Variants in NEK9 observed in about 807,000 individuals in gnomAD.
NEK9 encodes serine/threonine-protein kinase Nek9.
In NEK9, 75 loss-of-function variants were observed where a neutral mutation model predicts 123.4. The ratio of observed to expected loss-of-function variants is 0.61; its 90% CI spans 0.50 to 0.74. The LOEUF is 0.74. NEK9 is among the 30% of genes least tolerant of loss of function. NEK9 has a pLI of 0.00. For synonymous variants in NEK9, 438 were observed against 458.7 expected, an observed-to-expected ratio of 0.95 and a Z score of 0.58; for missense variants, 952 against 1,214.4, an observed-to-expected ratio of 0.78 and a Z score of 3.21.
At chr14:75,120,805 T>C in intron 3 of NEK9, 1 of 587,368 alleles carries the variant, frequency 1.7e-6, no homozygotes, top group Non-Finnish European at 3.0e-6. Context: ...TTATAATATA[T>C]AGTATGGTAA....
chr14:75,116,896 G>A (rs1895159819), intron 6 of NEK9, among the ~76,000 whole-genome samples: 3 of 152,100 alleles, frequency 2.0e-5, no homozygotes, highest in African/African-American at 7.2e-5. Flanking sequence ...GATTACAGGT[G>A]TGCGCCACCA....
In NEK9 at chr14:75,084,120, G is replaced by C. The variant is rs1452139238; in HGVS notation, c.*444C>G. On this transcript the variant is annotated 3_prime_UTR_variant, in exon 22 of 22. Transcript: ENST00000238616. ...ACTGGGCGGGCCACACCTGATTCCA[G>C]CCCACTCCAACTTTACACTTCTCCC... is the stretch of plus-strand genomic sequence containing the variant. The C allele has an allele frequency of 1.1e-5, 2 of 185,232 alleles. No individual in the cohort carries two copies. The highest frequency in any genetic ancestry group is 4.7e-5 in the African/African-American group (2 of 42,886). 11.5% of individuals were successfully genotyped at this position (185,232 alleles called of 1,614,324 possible).
chr14:75,124,566 T>C (rs1478183651), intron 1 of NEK9, among the ~76,000 whole-genome samples: 2 of 152,130 alleles, frequency 1.3e-5, no homozygotes, highest in Non-Finnish European at 2.9e-5. Context: ...GCAAGAATAC[T>C]GGAGAAGCAG....
At chr14:75,121,031 CTT>C in intron 3 of NEK9, 86 bp downstream of exon 3, 1 of 1,092,976 alleles carries the variant, frequency 9.1e-7, no homozygotes. Flanking sequence ...AAAAAACACT[CTT>C]CACTATTGGA....
rs1382762778 is a variant in NEK9, at chr14:75,091,312, G to C, written c.2400C>G (p.Asn800Lys). ...GACAGGAGCTGCTGGCCCCATTACT[G>C]TTCCCCATGGCCTCTGTGGGACTGA... ...GLISPTEAMG[N>K]SNGASSSCPG... Residue 800 changes from asparagine (N) to lysine (K), a missense_variant, in exon 19 of 22, where the codon AAC becomes AAG. By Grantham distance (94) the Asn-to-Lys change is moderately conservative. This residue lies in a region of NEK9 where 698 missense variants were observed against 875.6 expected (regional missense o/e 0.80). Transcript: ENST00000238616. 6.2e-7 allele frequency: 1 copy of C among 1,613,458 alleles called. No homozygotes were observed. The highest frequency in any genetic ancestry group is 1.7e-4 in the Middle Eastern group (1 of 6,052).
At position 75,110,364 on chromosome 14, in the gene NEK9, C is replaced by G; in HGVS notation, c.946G>C (p.Glu316Gln). 6.2e-7 allele frequency: 1 copy of G among 1,612,608 alleles called. No homozygotes were observed. ...GCATTAAGCAGAGTGACTTTTTCCT[C>G]CATCTCTCTACCAAAAGAAAAGCAA... ...PLLRKRRREM[E>Q]EKVTLLNAPT... The change falls in exon 9 of 22, where the codon GAG (glutamate) becomes CAG (glutamine). Residue 316 changes from glutamate to glutamine, a missense_variant. By Grantham distance (29) the Glu-to-Gln change is conservative (BLOSUM62 2). Coordinates refer to ENST00000238616, the MANE Select transcript of NEK9 (RefSeq NM_033116.6).
In NEK9 at chr14:75,126,728, TCCCCGAAGGCGCCGCGG is replaced by T; in HGVS notation, c.177_193del (p.Arg60SerfsTer10). The T allele has an allele frequency of 6.8e-7, 1 of 1,481,062 alleles. No homozygotes were observed. 91.7% of individuals were successfully genotyped at this position (1,481,062 alleles called of 1,614,324 possible). A position where few individuals can be genotyped will look rare whatever the true frequency, so the allele number is the denominator to read the frequency against. On this transcript the variant is annotated frameshift_variant, in exon 1 of 22. Coordinates refer to ENST00000238616, the MANE Select transcript of NEK9 (RefSeq NM_033116.6). LOFTEE classifies it high-confidence loss of function. ...CTCGGTGCGGCGGTACAGCGTGGCT[TCCCCGAAGGCGCCGCGG>T]CCCAGGACGCGGATGGGGATGTAGT...
chr14:75,106,171 A>G, intron 12 of NEK9, 175 bp from the exon 13 acceptor site: 2 of 627,296 alleles, frequency 3.2e-6, no homozygotes, highest in Non-Finnish European at 5.7e-6. Flanking sequence ...AAGCCTGGCC[A>G]GTGTGGTGAA....
intron 7 of NEK9, 62 bp from the exon 8 acceptor site, chr14:75,113,465 A>G (rs761882394): frequency 1.4e-5 from 17 of 1,203,002 alleles, no homozygotes; most frequent in Non-Finnish European, 2.1e-5. Context: ...GGATCTAAAG[A>G]TGTTAATTAG....
chr14:75,104,547 T>C lies in NEK9; in HGVS notation c.1576-550A>G, dbSNP rs533372546. Among the ~76,000 whole-genome samples, 10 of 151,624 alleles carry C rather than the reference T, an allele frequency of 6.6e-5. No individual in the cohort carries two copies. In the East Asian group the frequency reaches 1.4e-3, roughly 21 times the overall value. On this transcript the variant is annotated intron_variant, in intron 13 of 21. Transcript: ENST00000238616. Reference sequence around the variant, plus strand: ...CCCAGGCTGGAATGCAGTGGTATGATCTCAGCACACTGCAACCTCTGCCTC... The same window carrying C: ...CCCAGGCTGGAATGCAGTGGTATGACCTCAGCACACTGCAACCTCTGCCTC...
chr14:75,094,000 C>A (rs1894301597), intron 18 of NEK9, among the ~76,000 whole-genome samples: 1 of 152,176 alleles, frequency 6.6e-6, no homozygotes, highest in African/African-American at 2.4e-5. Context: ...CATCTTCCCA[C>A]CAATGGACAT....
intron 17 of NEK9, 73 bp from the exon 18 acceptor site, chr14:75,095,504 G>A (rs1894353754): frequency 1.0e-6 from 1 of 953,502 alleles, no homozygotes; most frequent in Middle Eastern, 2.5e-4. Context: ...GACTAGGATA[G>A]GGAGATAATT....
chr14:75,109,176 A>T (rs1236408347), intron 10 of NEK9, among the ~76,000 whole-genome samples: 1 of 152,196 alleles, frequency 6.6e-6, no homozygotes, highest in Non-Finnish European at 1.5e-5. Context: ...CAGACAGCAA[A>T]CACAGACAAT....
intron 8 of NEK9, among the ~76,000 whole-genome samples, chr14:75,110,946 G>C (rs188319126): frequency 6.6e-6 from 1 of 152,024 alleles, no homozygotes; most frequent in East Asian, 1.9e-4. Context: ...CACCACCTTA[G>C]TTCTGGGTAG....
At chr14:75,106,052 T>A in intron 12 of NEK9, 56 bp from the exon 13 acceptor site, 1 of 1,476,460 alleles carries the variant, frequency 6.8e-7, no homozygotes, top group African/African-American at 1.4e-5. Flanking sequence ...TCCCAGTGAA[T>A]AGGTTCTGTA....
At chr14:75,098,969 C>T (rs907066470) in intron 16 of NEK9, among the ~76,000 whole-genome samples, 5 of 152,134 alleles carry the variant, frequency 3.3e-5, no homozygotes, top group Non-Finnish European at 7.3e-5. Flanking sequence ...ACAGTTTGCT[C>T]CTTAAAGTCC....
At chr14:75,116,226 A>T (rs982851958) in intron 6 of NEK9, among the ~76,000 whole-genome samples, 1 of 152,188 alleles carries the variant, frequency 6.6e-6, no homozygotes, top group African/African-American at 2.4e-5. Context: ...CAGGAGGATC[A>T]CTTGAGGCCA....
chr14:75,118,126 C>A (rs1594850328), intron 5 of NEK9, among the ~76,000 whole-genome samples: 1 of 152,108 alleles, frequency 6.6e-6, no homozygotes, highest in East Asian at 1.9e-4. Flanking sequence ...TGGCCTCCAT[C>A]ATAGAAACAT....
Position 75,091,485 on chromosome 14 carries a change from G to C in NEK9, c.2234-7C>G, listed in dbSNP as rs750823703. 6.4e-7 allele frequency: 1 copy of C among 1,565,754 alleles called. No homozygotes were observed. The highest frequency in any genetic ancestry group is 8.6e-7 in the Non-Finnish European group (1 of 1,159,178). ...GGGCTAGAGCTCTGAAACACTGACA[G>C]ATATACAGCACAGAAATAGACAGCT... On this transcript the variant is annotated splice_region_variant and splice_polypyrimidine_tract_variant and intron_variant, in intron 18 of 21. Coordinates refer to ENST00000238616, the MANE Select transcript of NEK9 (RefSeq NM_033116.6).
Sources: allele counts gnomAD v4.1 joint callset (sites outside exome capture counted in the v4.1 genomes callset), GRCh38; gene constraint gnomAD v4.1.1; regional missense constraint gnomAD v4.1.1; transcripts MANE v1.5; gene names NCBI Gene and HGNC (gene_info 2026-07-23, HGNC 2026-07-21).